The following CEMIP variants were observed in gnomAD, a reference collection of about 807,000 sequenced individuals.
CEMIP encodes the protein cell migration-inducing and hyaluronan-binding protein.
CEMIP carries 105 observed loss-of-function variants against 156.9 expected under a neutral mutation model. The ratio of observed to expected loss-of-function variants is 0.67; its 90% confidence interval spans 0.57 to 0.79. The LOEUF (loss-of-function observed/expected upper bound fraction) is 0.79, where lower values mean the gene tolerates loss of function less well. Ranked by LOEUF, CEMIP falls within the 30% of genes least tolerant of loss-of-function variation. CEMIP has a pLI of 0.00. For missense variants in CEMIP, 1,457 were observed against 1,769.4 expected (o/e 0.82, Z 3.17); for synonymous variants, 676 against 668.4 (o/e 1.01, Z -0.17).
Position 80,932,130 on chromosome 15 carries a change from C to A in CEMIP, c.2793+91C>A. On this transcript the variant is annotated intron_variant, in intron 22 of 29. Coordinates refer to ENST00000394685, the MANE Select transcript of CEMIP (RefSeq NM_001293298.2). This position sits in a 1 kb window ranked among gnomAD's most constrained non-coding sequence, Gnocchi z 4.5. ...TGGGTCCCAGAGTTTGAGCTATTGC[C>A]ACCACCGCAGGGGTTGAGAAGCCTC... 1 of 1,454,644 alleles carries A rather than the reference C, an allele frequency of 6.9e-7. No homozygotes were observed. The highest frequency in any genetic ancestry group is 9.5e-7 in the Non-Finnish European group (1 of 1,050,146). 90.1% of individuals were successfully genotyped at this position (1,454,644 alleles called of 1,614,324 possible).
At chr15:80,901,980 G>A (rs1419072335) in intron 12 of CEMIP, among the ~76,000 whole-genome samples, 2 of 152,118 alleles carry the variant, frequency 1.3e-5, no homozygotes, top group Non-Finnish European at 2.9e-5. Flanking sequence ...GCTTTCTGGG[G>A]CCCTCCAGCT....
intron 13 of CEMIP, 131 bp from the exon 14 acceptor site, chr15:80,908,966 C>A: frequency 1.1e-6 from 1 of 884,940 alleles, no homozygotes. Context: ...CAGAGAATAT[C>A]TTTGATTTAC....
At chr15:80,914,785 G>C (rs1242574015) in intron 14 of CEMIP, among the ~76,000 whole-genome samples, 1 of 152,190 alleles carries the variant, frequency 6.6e-6, no homozygotes, top group Non-Finnish European at 1.5e-5. Context: ...GATTTATCAA[G>C]ACAGGGGAAT....
intron 1 of CEMIP, among the ~76,000 whole-genome samples, chr15:80,848,166 G>T (rs1422699431): frequency 1.3e-5 from 2 of 152,204 alleles, no homozygotes; most frequent in African/African-American, 4.8e-5. Context: ...AGAGACCCCT[G>T]CAGGAGACTG....
chr15:80,873,010 T>A (rs1898349136), intron 1 of CEMIP, among the ~76,000 whole-genome samples: 1 of 152,164 alleles, frequency 6.6e-6, no homozygotes, highest in African/African-American at 2.4e-5. Context: ...CATCACATCT[T>A]CTTTCCAGCT....
chr15:80,787,709 G>A (rs1032567540), intron 1 of CEMIP, among the ~76,000 whole-genome samples: 13 of 152,190 alleles, frequency 8.5e-5, no homozygotes, highest in African/African-American at 2.9e-4. Context: ...CACAGATGCC[G>A]GTTTCTAAAA....
rs757101934 is a variant in CEMIP at position 80,873,955 on chromosome 15, C to T, written c.76C>T (p.Pro26Ser). The T allele has an allele frequency of 2.5e-6, 4 of 1,571,872 alleles. No homozygotes were observed. Among genetic ancestry groups the T allele is most frequent in the South Asian group, 2.3e-5 (2 of 85,578 alleles). The change falls in exon 3 of 30, where the codon CCT (proline) becomes TCT (serine). Residue 26 changes from proline (P) to serine (S), a missense_variant. By Grantham distance (74) the Pro-to-Ser change is moderately conservative (BLOSUM62 -1). Coordinates refer to ENST00000394685, the MANE Select transcript of CEMIP (RefSeq NM_001293298.2). ...CAGCTGGCTCACTCTGACCTGCTTCCCTGGGGCCACATCCACAGGTGAGCA... is the reference window on the plus strand; with the variant it reads ...CAGCTGGCTCACTCTGACCTGCTTCTCTGGGGCCACATCCACAGGTGAGCA... Reference protein sequence around the residue: ...TISWLTLTCFPGATSTVAAGC... With the variant: ...TISWLTLTCFSGATSTVAAGC...
chr15:80,843,689 A>G (rs1383398925), intron 1 of CEMIP, among the ~76,000 whole-genome samples: 1 of 152,194 alleles, frequency 6.6e-6, no homozygotes, highest in African/African-American at 2.4e-5. Flanking sequence ...TCAGTCTCAG[A>G]CGGTTTCTAT....
At chr15:80,832,280 G>C (rs1307318084) in intron 1 of CEMIP, among the ~76,000 whole-genome samples, 1 of 149,550 alleles carries the variant, frequency 6.7e-6, no homozygotes, top group African/African-American at 2.5e-5. Context: ...TTACTATACA[G>C]ACAGGACTTC....
At chr15:80,879,652 G>C (rs1898577089) in intron 4 of CEMIP, 64 bp from the exon 5 acceptor site, 48 of 1,604,340 alleles carry the variant, frequency 3.0e-5, no homozygotes, top group Non-Finnish European at 4.1e-5. Context: ...TCTGCCCTTG[G>C]CTCTGATATA....
intron 1 of CEMIP, among the ~76,000 whole-genome samples, chr15:80,840,808 T>C (rs1341823622): frequency 6.6e-6 from 1 of 152,166 alleles, no homozygotes; most frequent in African/African-American, 2.4e-5. Context: ...GTGTTTTATG[T>C]TACATTAGGA....
chr15:80,877,306 G>A (rs1037383684), intron 3 of CEMIP, among the ~76,000 whole-genome samples: 33 of 152,158 alleles, frequency 2.2e-4, no homozygotes, highest in Non-Finnish European at 4.4e-5. Flanking sequence ...CTTTGCTCAA[G>A]AGACACAGCC....
chr15:80,922,257 T>C (rs1900504386), intron 17 of CEMIP, 120 bp downstream of exon 17: 2 of 1,344,934 alleles, frequency 1.5e-6, no homozygotes, highest in Non-Finnish European at 2.1e-6. Context: ...TTCTTAATGC[T>C]GGTCTCGAAG....
intron 21 of CEMIP, 125 bp downstream of exon 21, chr15:80,929,299 T>C: frequency 8.3e-7 from 1 of 1,204,904 alleles, no homozygotes; most frequent in Non-Finnish European, 1.2e-6. Context: ...GCCAGAGGAA[T>C]CACTGAGGTG....
Position 80,924,199 on chromosome 15 carries a change from C to T in CEMIP, c.2203-422C>T, listed in dbSNP as rs544398916. 3.1e-4 allele frequency among the ~76,000 whole-genome samples: 47 copies of T among 152,314 alleles called. 1 individual carries two copies. Among genetic ancestry groups the T allele is most frequent in the Non-Finnish European group, 1.3e-4 (9 of 68,020 alleles). Reference sequence around the variant, plus strand: ...GAAACTGTGGGAAGGTCACTGACCCCAGCCCAAGGTAAAGATGGGACTTAG... The same window carrying T: ...GAAACTGTGGGAAGGTCACTGACCCTAGCCCAAGGTAAAGATGGGACTTAG... On this transcript the variant is annotated intron_variant, in intron 17 of 29. Coordinates refer to ENST00000394685, the MANE Select transcript of CEMIP (RefSeq NM_001293298.2).
intron 1 of CEMIP, among the ~76,000 whole-genome samples, chr15:80,823,357 G>C (rs1282028690): frequency 6.6e-6 from 1 of 152,240 alleles, no homozygotes; most frequent in Non-Finnish European, 1.5e-5. Context: ...ACCCACGTGA[G>C]GCCTTTGGAG....
At chr15:80,842,238 G>A (rs1016770079) in intron 1 of CEMIP, among the ~76,000 whole-genome samples, 1 of 151,916 alleles carries the variant, frequency 6.6e-6, no homozygotes, top group Non-Finnish European at 1.5e-5. Flanking sequence ...AATGAATTAC[G>A]CACAAAGTAG....
At chr15:80,836,302 T>C (rs924531260) in intron 1 of CEMIP, among the ~76,000 whole-genome samples, 3 of 152,200 alleles carry the variant, frequency 2.0e-5, no homozygotes, top group African/African-American at 7.2e-5. Flanking sequence ...CTGGTGCTAT[T>C]AATGGGCTGA....
chr15:80,949,333 T>C lies in CEMIP; in HGVS notation c.*409T>C. 3.1e-6 allele frequency: 1 copy of C among 326,464 alleles called. No homozygotes were observed. Among genetic ancestry groups the C allele is most frequent in the Non-Finnish European group, 6.0e-6 (1 of 166,182 alleles). 20.2% of individuals were successfully genotyped at this position (326,464 alleles called of 1,614,324 possible). A position where few individuals can be genotyped will look rare whatever the true frequency, so the allele number is the denominator to read the frequency against. On this transcript the variant is annotated 3_prime_UTR_variant, in exon 30 of 30. Transcript: ENST00000394685. ...GGTCATTCACAGATCCCCATGGTCTTCAGCAGACAAGTGAGGGTGGTAAAT... is the reference window on the plus strand; with the variant it reads ...GGTCATTCACAGATCCCCATGGTCTCCAGCAGACAAGTGAGGGTGGTAAAT...
Sources: allele counts gnomAD v4.1 joint callset (sites outside exome capture counted in the v4.1 genomes callset), GRCh38; gene constraint gnomAD v4.1.1; non-coding constraint Gnocchi (gnomAD v3.1); transcripts MANE v1.5; gene names NCBI Gene and HGNC (gene_info 2026-07-23, HGNC 2026-07-21).